KCNB2: variants seen among roughly 807,000 people sequenced by gnomAD.
KCNB2 encodes the protein delayed rectifier potassium channel protein.
KCNB2 carries 15 observed loss-of-function variants against 61.5 expected under a neutral mutation model. The ratio of observed to expected loss-of-function variants is 0.24; its 90% CI spans 0.16 to 0.38. The LOEUF is 0.38. Among genes scored for constraint, KCNB2 ranks in the 10% least tolerant of loss-of-function variants. KCNB2 has a pLI of 1.00. For synonymous variants in KCNB2, 457 were observed against 446.0 expected (o/e 1.02, Z -0.31); for missense variants, 828 against 1,125.2 (o/e 0.74, Z 3.78).
intron 2 of KCNB2, among the ~76,000 whole-genome samples, chr8:72,822,902 G>T (rs965723334): frequency 1.3e-5 from 2 of 151,870 alleles, no homozygotes; most frequent in African/African-American, 2.4e-5. Context: ...TCCATGACAG[G>T]TGTCACTGTG....
chr8:72,591,690 C>T (rs1807102192), intron 2 of KCNB2, among the ~76,000 whole-genome samples: 1 of 152,072 alleles, frequency 6.6e-6, no homozygotes, highest in South Asian at 2.1e-4. Flanking sequence ...GATTCCTATA[C>T]ATAATAGAGA....
chr8:72,561,014 T>C (rs938258258), intron 1 of KCNB2, among the ~76,000 whole-genome samples: 1 of 152,198 alleles, frequency 6.6e-6, no homozygotes, highest in Non-Finnish European at 1.5e-5. Context: ...TGAAAGATGC[T>C]CATATTACAT....
chr8:72,825,330 A>G (rs1342737743), intron 2 of KCNB2, among the ~76,000 whole-genome samples: 2 of 152,092 alleles, frequency 1.3e-5, no homozygotes, highest in Admixed American at 6.5e-5. Flanking sequence ...ACCTTTTTGT[A>G]TGTGTAAGTA....
intron 2 of KCNB2, among the ~76,000 whole-genome samples, chr8:72,615,690 T>C (rs983625043): frequency 6.6e-6 from 1 of 152,218 alleles, no homozygotes; most frequent in African/African-American, 2.4e-5. Context: ...TATTGTAGGC[T>C]GGAAACTTTG....
At chr8:72,928,681 G>GAC (rs10606839) in intron 2 of KCNB2, among the ~76,000 whole-genome samples, 5,100 of 143,762 alleles carry the variant, frequency 0.035, 112 homozygotes, top group African/African-American at 0.059. Context: ...CACACACACA[G>GAC]ACACACACAC....
intron 2 of KCNB2, 133 bp from the exon 3 acceptor site, chr8:72,935,802 A>G: frequency 1.4e-6 from 1 of 706,622 alleles, no homozygotes; most frequent in Non-Finnish European, 2.5e-6. Context: ...TTAAGTTGTA[A>G]AATTACCTTC....
chr8:72,688,992 T>C (rs1806899383), intron 2 of KCNB2, among the ~76,000 whole-genome samples: 1 of 152,164 alleles, frequency 6.6e-6, no homozygotes, highest in African/African-American at 2.4e-5. Flanking sequence ...GTCTCCCAAA[T>C]TGCTGGGATT....
At chr8:72,849,253 G>T (rs1281771318) in intron 2 of KCNB2, among the ~76,000 whole-genome samples, 6 of 151,562 alleles carry the variant, frequency 4.0e-5, no homozygotes, top group Non-Finnish European at 5.9e-5. Flanking sequence ...TAGGGTACAT[G>T]GTGCTGTTTC....
At chr8:72,794,001 A>G (rs1316706435) in intron 2 of KCNB2, among the ~76,000 whole-genome samples, 1 of 152,246 alleles carries the variant, frequency 6.6e-6, no homozygotes, top group Non-Finnish European at 1.5e-5. Context: ...GTTTTGTTTT[A>G]TGTATAATGA....
chr8:72,770,722 C>A (rs1808543935), intron 2 of KCNB2, among the ~76,000 whole-genome samples: 1 of 152,150 alleles, frequency 6.6e-6, no homozygotes, highest in Non-Finnish European at 1.5e-5. Flanking sequence ...TGCTACCCAG[C>A]ACAAATTAAG....
intron 2 of KCNB2, among the ~76,000 whole-genome samples, chr8:72,627,941 CT>C (rs574499969): frequency 8.6e-5 from 13 of 151,044 alleles, no homozygotes; most frequent in East Asian, 3.9e-4. Flanking sequence ...TCCCTGATGA[CT>C]TTTTTTTTGG....
At chr8:72,619,875 GT>G (rs1472035582) in intron 2 of KCNB2, among the ~76,000 whole-genome samples, 5 of 152,198 alleles carry the variant, frequency 3.3e-5, no homozygotes, top group African/African-American at 1.2e-4. Flanking sequence ...CATTGGAGAT[GT>G]TGATACCTTA....
At chr8:72,548,274 T>G (rs927178246) in intron 1 of KCNB2, among the ~76,000 whole-genome samples, 1 of 152,222 alleles carries the variant, frequency 6.6e-6, no homozygotes, top group African/African-American at 2.4e-5. Flanking sequence ...TGAGGTATGC[T>G]TGTATAATGA....
chr8:72,920,455 ATC>A (rs1491560868), intron 2 of KCNB2, among the ~76,000 whole-genome samples: 933 of 65,712 alleles, frequency 0.014, 93 homozygotes, highest in Middle Eastern at 0.051. Flanking sequence ...CTATCTATCT[ATC>A]TATCTATCTA....
chr8:72,875,102 C>CT, intron 2 of KCNB2: 2 of 150,212 alleles, frequency 1.3e-5, no homozygotes, highest in Non-Finnish European at 2.9e-5. Flanking sequence ...GCCCTGTGAT[C>CT]TTTTTTCACA....
At chr8:72,772,621 T>A (rs941486089) in intron 2 of KCNB2, among the ~76,000 whole-genome samples, 1 of 152,176 alleles carries the variant, frequency 6.6e-6, no homozygotes, top group Non-Finnish European at 1.5e-5. Flanking sequence ...AAGCACCAGG[T>A]CTTTTCTGGT....
At chr8:72,742,909 T>G (rs990443635) in intron 2 of KCNB2, among the ~76,000 whole-genome samples, 2 of 152,226 alleles carry the variant, frequency 1.3e-5, no homozygotes, top group Non-Finnish European at 2.9e-5. Flanking sequence ...ACAGCATTTA[T>G]AAATGTTGCC....
At chr8:72,682,984 G>GA (rs1238057095) in intron 2 of KCNB2, among the ~76,000 whole-genome samples, 1 of 152,146 alleles carries the variant, frequency 6.6e-6, no homozygotes, top group Non-Finnish European at 1.5e-5. Context: ...CCAAATACTA[G>GA]AAAAAGTTGT....
chr8:72,764,512 G>A (rs1428977778), intron 2 of KCNB2, among the ~76,000 whole-genome samples: 1 of 152,160 alleles, frequency 6.6e-6, no homozygotes, highest in African/African-American at 2.4e-5. Flanking sequence ...ATGGGAAACA[G>A]GCAGTGCCAT....
Sources: allele counts gnomAD v4.1 joint callset (sites outside exome capture counted in the v4.1 genomes callset), GRCh38; gene constraint gnomAD v4.1.1; transcripts MANE v1.5; gene names NCBI Gene and HGNC (gene_info 2026-07-23, HGNC 2026-07-21).